CSMD1: variants seen among roughly 807,000 people sequenced by gnomAD.
CSMD1 encodes the protein CUB and sushi domain-containing protein 1.
Under a neutral mutation model 417.5 loss-of-function variants are expected in CSMD1, and 213 were observed. The observed-to-expected ratio is 0.51, with a 90% CI of 0.46 to 0.57. The LOEUF is 0.57. CSMD1 is among the 20% of genes least tolerant of loss of function. The pLI, the probability that CSMD1 is intolerant of heterozygous loss-of-function variation, is 0.00. For synonymous variants in CSMD1, 2,862 were observed against 1,736.8 expected (o/e 1.65, Z -16.11); for missense variants, 6,923 against 4,529.7 (o/e 1.53, Z -15.17).
intron 12 of CSMD1, among the ~76,000 whole-genome samples, chr8:3,442,606 G>C (rs912151934): frequency 5.3e-5 from 8 of 152,122 alleles, no homozygotes; most frequent in Admixed American, 5.2e-4. Flanking sequence ...GTGGGTAGCA[G>C]GCTATACAAT....
At chr8:4,935,950 C>T (rs1032413491) in intron 1 of CSMD1, among the ~76,000 whole-genome samples, 1 of 152,208 alleles carries the variant, frequency 6.6e-6, no homozygotes, top group African/African-American at 2.4e-5. Context: ...ACAGTTAGTA[C>T]TTACACTGCC....
chr8:4,595,743 C>T (rs1297754481), intron 2 of CSMD1, among the ~76,000 whole-genome samples: 1 of 152,128 alleles, frequency 6.6e-6, no homozygotes, highest in Non-Finnish European at 1.5e-5. Flanking sequence ...TTCTAAAAAA[C>T]AAAGCAAAAC....
chr8:3,451,471 T>C (rs1209126976), intron 12 of CSMD1, among the ~76,000 whole-genome samples: 1 of 152,150 alleles, frequency 6.6e-6, no homozygotes, highest in Non-Finnish European at 1.5e-5. Flanking sequence ...AGTGTCCAAT[T>C]CATCTTGAAT....
intron 21 of CSMD1, among the ~76,000 whole-genome samples, chr8:3,353,371 C>G (rs1808539960): frequency 6.6e-6 from 1 of 152,230 alleles, no homozygotes; most frequent in Non-Finnish European, 1.5e-5. Flanking sequence ...TGCTCTCTAA[C>G]ACTACCCCTA....
chr8:4,155,401 T>A (rs1230905322), intron 3 of CSMD1, among the ~76,000 whole-genome samples: 2 of 152,202 alleles, frequency 1.3e-5, no homozygotes, highest in East Asian at 3.9e-4. Flanking sequence ...TTCCTTTTAC[T>A]TTATAAATCA....
At chr8:3,529,837 A>C (rs564427739) in intron 10 of CSMD1, among the ~76,000 whole-genome samples, 1 of 152,216 alleles carries the variant, frequency 6.6e-6, no homozygotes, top group East Asian at 1.9e-4. Flanking sequence ...CTGTAAGCCT[A>C]CATTTTCTTG....
chr8:4,921,816 G>T (rs569692473), intron 1 of CSMD1, among the ~76,000 whole-genome samples: 1 of 152,192 alleles, frequency 6.6e-6, no homozygotes, highest in South Asian at 2.1e-4. Context: ...CATGGCGAGA[G>T]GACTTTATAA....
chr8:4,416,754 A>G (rs1796964325), intron 3 of CSMD1, among the ~76,000 whole-genome samples: 1 of 152,064 alleles, frequency 6.6e-6, no homozygotes, highest in African/African-American at 2.4e-5. Flanking sequence ...CCTTTGTCTC[A>G]TGTCAATTTT....
chr8:3,886,285 G>C lies in CSMD1; in HGVS notation c.818+111618C>G, dbSNP rs372218205. ...GCTGGTCTCAAACTCCTGACCTCAA[G>C]TAATCCGACTGCCTCAGCCTCTCAA... On this transcript the variant is annotated intron_variant, in intron 5 of 69. Transcript: ENST00000635120. 4.4e-4 allele frequency among the ~76,000 whole-genome samples: 67 copies of C among 152,280 alleles called. No individual in the cohort carries two copies. The East Asian group carries it at 0.011, about 25-fold the overall frequency.
At chr8:3,280,768 T>G (rs1409742364) in intron 26 of CSMD1, among the ~76,000 whole-genome samples, 1 of 114,544 alleles carries the variant, frequency 8.7e-6, no homozygotes, top group Non-Finnish European at 1.7e-5. Context: ...GTCTTCATGC[T>G]TATTTCTTAC....
intron 1 of CSMD1, among the ~76,000 whole-genome samples, chr8:4,721,794 T>C (rs940484362): frequency 6.6e-5 from 10 of 152,122 alleles, no homozygotes; most frequent in Non-Finnish European, 2.9e-5. Flanking sequence ...AGCCAAGGTA[T>C]GTAAAGAACC....
intron 66 of CSMD1, among the ~76,000 whole-genome samples, 155 bp from the exon 67 acceptor site, chr8:2,950,498 A>T (rs537296322): frequency 3.1e-4 from 47 of 152,330 alleles, no homozygotes; most frequent in African/African-American, 1.1e-3. Flanking sequence ...ATTTTAGCTT[A>T]GGAGCTTCCA....
At chr8:3,547,092 C>T (rs762072094) in intron 10 of CSMD1, among the ~76,000 whole-genome samples, 3 of 152,138 alleles carry the variant, frequency 2.0e-5, no homozygotes, top group East Asian at 3.9e-4. Flanking sequence ...GGACCAATAA[C>T]GTGGGCTACA....
chr8:3,528,919 GATAA>G lies in CSMD1; in HGVS notation c.1345-35197_1345-35194del, dbSNP rs1166780049. ...CATTTGCATTTATCTGCAAAAATAT[GATAA>G]ATAATATAATCCTTAGATAATTACA... is the stretch of plus-strand genomic sequence containing the variant. On this transcript the variant is annotated intron_variant, in intron 10 of 69. Transcript: ENST00000635120. Among the ~76,000 whole-genome samples the G allele has an allele frequency of 1.5e-3, 231 of 152,078 alleles. 1 individual carries two copies. Among genetic ancestry groups the G allele is most frequent in the African/African-American group, 5.5e-3 (228 of 41,398 alleles).
intron 10 of CSMD1, among the ~76,000 whole-genome samples, chr8:3,549,610 T>C (rs926463198): frequency 6.6e-5 from 10 of 152,166 alleles, no homozygotes; most frequent in Admixed American, 3.3e-4. Flanking sequence ...AGTGTGGCTT[T>C]TTAAAAACAG....
At chr8:4,931,465 G>A (rs777878943) in intron 1 of CSMD1, among the ~76,000 whole-genome samples, 4 of 152,106 alleles carry the variant, frequency 2.6e-5, no homozygotes, top group Non-Finnish European at 4.4e-5. Context: ...CCTGCCCACC[G>A]TCTGTCCCAG....
chr8:4,974,572 G>C (rs994727651), intron 1 of CSMD1, among the ~76,000 whole-genome samples: 4 of 152,082 alleles, frequency 2.6e-5, no homozygotes, highest in African/African-American at 9.7e-5. Context: ...AAAGATTGGA[G>C]TCGACGTTTT....
At chr8:3,296,986 A>G (rs1804020630) in intron 25 of CSMD1, among the ~76,000 whole-genome samples, 1 of 152,204 alleles carries the variant, frequency 6.6e-6, no homozygotes, top group Non-Finnish European at 1.5e-5. Flanking sequence ...TAGTTTATAA[A>G]CTATAGGACT....
intron 13 of CSMD1, 69 bp downstream of exon 13, chr8:3,409,354 T>G (rs56284885): frequency 0.061 from 84,967 of 1,388,384 alleles, 3,000 homozygotes; most frequent in East Asian, 0.16. Flanking sequence ...GTCTGTGTCT[T>G]TCTCCTTTTC....
Sources: gnomAD v4.1 joint callset for allele counts (sites outside exome capture counted in the v4.1 genomes callset) on GRCh38, gnomAD v4.1.1 for gene constraint, MANE v1.5 for transcripts, NCBI Gene and HGNC (gene_info 2026-07-23, HGNC 2026-07-21) for gene names.